Variants in PTPRG observed in about 807,000 individuals in gnomAD.
The protein encoded by PTPRG is receptor-type tyrosine-protein phosphatase gamma.
A neutral mutation model predicts 165.3 loss-of-function variants in PTPRG; 102 were observed. The ratio of observed to expected loss-of-function variants is 0.62; its 90% CI spans 0.53 to 0.73. The LOEUF (loss-of-function observed/expected upper bound fraction) is 0.73. Among genes scored for constraint, PTPRG ranks in the 30% least tolerant of loss-of-function variants. The pLI is 0.00. For missense variants in PTPRG, 1,866 were observed against 1,861.4 expected, an observed-to-expected ratio of 1.00 and a Z score of -0.05; for synonymous variants, 675 against 669.5, an observed-to-expected ratio of 1.01 and a Z score of -0.13.
chr3:61,812,805 T>TA (rs2035627295), intron 2 of PTPRG, among the ~76,000 whole-genome samples: 2 of 152,222 alleles, frequency 1.3e-5, no homozygotes, highest in African/African-American at 4.8e-5. Flanking sequence ...TGGGAAGTGA[T>TA]AGAGGGCATT....
chr3:61,720,325 T>C (rs1016554054), intron 1 of PTPRG, among the ~76,000 whole-genome samples: 6 of 152,168 alleles, frequency 3.9e-5, no homozygotes, highest in African/African-American at 1.4e-4. Flanking sequence ...GGTTTCACCA[T>C]GTTGACCAGT....
intron 1 of PTPRG, among the ~76,000 whole-genome samples, chr3:61,674,357 G>A (rs949522556): frequency 3.3e-5 from 5 of 151,826 alleles, no homozygotes; most frequent in Admixed American, 1.3e-4. Context: ...TTGGTTAGCA[G>A]GGAGTAGTGA....
At position 61,899,233 on chromosome 3, in the gene PTPRG, C is replaced by G. The variant is rs543216018; in HGVS notation, c.191-90392C>G. ...CTAGTGCCTAGGTTCCTTGTGTGCC[C>G]TCCATAAATGATGGTTAGTTCTGAT... On this transcript the variant is annotated intron_variant, in intron 2 of 29. Coordinates refer to ENST00000474889, the MANE Select transcript of PTPRG (RefSeq NM_002841.4). Among the ~76,000 whole-genome samples the G allele has an allele frequency of 5.9e-5, 9 of 152,112 alleles. No individual in the cohort carries two copies. In the South Asian group the frequency reaches 6.2e-4, roughly 11 times the overall value.
intron 4 of PTPRG, among the ~76,000 whole-genome samples, chr3:62,074,814 C>G (rs998560219): frequency 1.3e-5 from 2 of 152,108 alleles, no homozygotes; most frequent in East Asian, 3.9e-4. Context: ...GGGCACAGTT[C>G]ATTTTGAGGA....
intron 4 of PTPRG, among the ~76,000 whole-genome samples, chr3:62,030,264 C>T (rs915918289): frequency 4.6e-5 from 7 of 150,992 alleles, no homozygotes; most frequent in African/African-American, 1.7e-4. Flanking sequence ...TGACACATTA[C>T]TCCCCCTCTC....
At chr3:62,023,010 A>T (rs1409108809) in intron 4 of PTPRG, among the ~76,000 whole-genome samples, 1 of 152,150 alleles carries the variant, frequency 6.6e-6, no homozygotes, top group Non-Finnish European at 1.5e-5. Flanking sequence ...ATTCAAAACA[A>T]AATTAAGAAA....
intron 4 of PTPRG, among the ~76,000 whole-genome samples, chr3:62,042,232 A>C (rs1700152006): frequency 6.6e-6 from 1 of 152,144 alleles, no homozygotes; most frequent in Admixed American, 6.5e-5. Flanking sequence ...TGTGAACAGT[A>C]GTATTTCCAG....
At chr3:61,715,536 C>A (rs755788495) in intron 1 of PTPRG, among the ~76,000 whole-genome samples, 3 of 152,076 alleles carry the variant, frequency 2.0e-5, no homozygotes, top group Non-Finnish European at 2.9e-5. Context: ...AGGTGTCTGT[C>A]CATTTGGCAA....
At chr3:61,877,875 A>G (rs2037787028) in intron 2 of PTPRG, among the ~76,000 whole-genome samples, 1 of 152,188 alleles carries the variant, frequency 6.6e-6, no homozygotes, top group African/African-American at 2.4e-5. Flanking sequence ...GTATTTTTGA[A>G]TATAGAAGGC....
At chr3:61,793,370 C>T (rs1265676233) in intron 2 of PTPRG, among the ~76,000 whole-genome samples, 2 of 152,082 alleles carry the variant, frequency 1.3e-5, no homozygotes, top group African/African-American at 4.8e-5. Flanking sequence ...TTGCTAGTCC[C>T]CTCCCAAACA....
At chr3:61,916,029 G>T (rs747056236) in intron 2 of PTPRG, among the ~76,000 whole-genome samples, 1 of 152,178 alleles carries the variant, frequency 6.6e-6, no homozygotes, top group Non-Finnish European at 1.5e-5. Context: ...TAATTCTTAT[G>T]CATAAAAATA....
chr3:62,286,673 A>AACATC (rs1459536891), intron 28 of PTPRG, among the ~76,000 whole-genome samples: 3 of 152,080 alleles, frequency 2.0e-5, no homozygotes, highest in African/African-American at 7.2e-5. Context: ...TTTTTTTCTT[A>AACATC]ACATCACTAG....
At chr3:62,053,362 G>A (rs1202304757) in intron 4 of PTPRG, among the ~76,000 whole-genome samples, 2 of 150,928 alleles carry the variant, frequency 1.3e-5, no homozygotes, top group Non-Finnish European at 2.9e-5. Context: ...CACCTCCCAG[G>A]CTCAAGTGAT....
intron 2 of PTPRG, among the ~76,000 whole-genome samples, chr3:61,866,601 TTTTTTTTTTTTTTTTTTG>T (rs1407823975): frequency 1.0e-5 from 1 of 98,832 alleles, no homozygotes; most frequent in African/African-American, 5.7e-5. Flanking sequence ...TTTTTTTTTT[TTTTTTTTTTTTTTTTTTG>T]AGACGGAGTC....
At chr3:62,017,571 G>A (rs1477165594) in intron 4 of PTPRG, among the ~76,000 whole-genome samples, 11 of 144,884 alleles carry the variant, frequency 7.6e-5, no homozygotes, top group South Asian at 7.0e-4. Context: ...GCCCACCACC[G>A]CGCCCGGCTA....
chr3:61,564,160 C>T (rs1376698941), intron 1 of PTPRG, among the ~76,000 whole-genome samples: 5 of 152,230 alleles, frequency 3.3e-5, no homozygotes, highest in African/African-American at 7.2e-5. Context: ...TAAAAGATCA[C>T]TGCTCAGTAT....
intron 4 of PTPRG, among the ~76,000 whole-genome samples, chr3:62,064,073 G>A (rs1357128664): frequency 1.3e-5 from 2 of 152,112 alleles, no homozygotes; most frequent in Non-Finnish European, 2.9e-5. Context: ...TACAGCAGTG[G>A]TGGGGTTTGG....
intron 10 of PTPRG, among the ~76,000 whole-genome samples, chr3:62,197,892 T>C (rs1185799377): frequency 6.6e-6 from 1 of 152,244 alleles, no homozygotes; most frequent in Admixed American, 6.5e-5. Context: ...TCTACAGACT[T>C]TCTTTCCTCA....
intron 1 of PTPRG, among the ~76,000 whole-genome samples, chr3:61,656,285 G>A (rs550704607): frequency 1.3e-5 from 2 of 152,262 alleles, no homozygotes; most frequent in African/African-American, 4.8e-5. Context: ...CCTTCTGAGT[G>A]TGTGAGCATC....
Sources: allele counts gnomAD v4.1 joint callset (sites outside exome capture counted in the v4.1 genomes callset), GRCh38; gene constraint gnomAD v4.1.1; transcripts MANE v1.5; gene names NCBI Gene and HGNC (gene_info 2026-07-23, HGNC 2026-07-21).